Variants in SEM1 observed in about 807,000 individuals in gnomAD.
The protein encoded by SEM1 is SEM1 26S proteasome subunit.
A neutral mutation model predicts 12.7 loss-of-function variants in SEM1; 3 were observed. The ratio of observed to expected loss-of-function variants is 0.24; its 90% CI spans 0.11 to 0.61. The LOEUF is 0.61. Among genes scored for constraint, SEM1 ranks in the 20% least tolerant of loss-of-function variants. The probability of loss-of-function intolerance (pLI) is 0.88; values close to 1 mark genes in which losing one functional copy is unlikely to be tolerated. For missense variants in SEM1, 59 were observed against 81.3 expected (o/e 0.73, Z 1.06); for synonymous variants, 30 against 27.8 (o/e 1.08, Z -0.25).
intron 3 of SEM1, among the ~76,000 whole-genome samples, chr7:96,503,165 G>T (rs188359039): frequency 4.6e-5 from 7 of 152,160 alleles, no homozygotes; most frequent in Admixed American, 2.0e-4. Context: ...TGATCAGCTC[G>T]GTTGTTAAAA....
At chr7:96,590,519 T>C (rs930944760) in intron 2 of SEM1, among the ~76,000 whole-genome samples, 20 of 152,232 alleles carry the variant, frequency 1.3e-4, no homozygotes, top group African/African-American at 4.6e-4. Context: ...GTAATGATTA[T>C]ATATACTGGG....
At chr7:96,524,555 T>C (rs2115664684) in intron 2 of SEM1, among the ~76,000 whole-genome samples, 1 of 152,194 alleles carries the variant, frequency 6.6e-6, no homozygotes, top group Admixed American at 6.5e-5. Context: ...CATATATCAT[T>C]TCAAATTTTC....
intron 2 of SEM1, among the ~76,000 whole-genome samples, chr7:96,612,911 A>T (rs576194515): frequency 2.2e-4 from 34 of 152,370 alleles, no homozygotes; most frequent in Non-Finnish European, 4.1e-4. Context: ...CTGGGATTAC[A>T]GGCGTGAGCC....
chr7:96,694,879 A>G lies in SEM1; in HGVS notation c.89T>C (p.Leu30Ser), dbSNP rs377420507. 3.9e-5 allele frequency: 63 copies of G among 1,607,358 alleles called. No homozygotes were observed. Among genetic ancestry groups the G allele is most frequent in the Admixed American group, 1.8e-4 (11 of 59,874 alleles). The change falls in exon 2 of 3, where the codon TTA becomes TCA. Residue 30 changes from leucine to serine, a missense_variant. Leu to Ser is a moderately radical substitution (Grantham distance 145). Coordinates refer to ENST00000248566, the MANE Select transcript of SEM1 (RefSeq NM_006304.2). ...EEFPAEDWAG[L>S]DEDEDAHVWE... Reference sequence around the variant, plus strand: ...GACATGTGCATCTTCATCTTCATCTAAGCCAGCCCAGTCTAAAAATAGAAA... The same window carrying G: ...GACATGTGCATCTTCATCTTCATCTGAGCCAGCCCAGTCTAAAAATAGAAA...
chr7:96,607,441 G>C lies in SEM1; in HGVS notation c.170+87357C>G, dbSNP rs566743034. On this transcript the variant is annotated intron_variant and NMD_transcript_variant, in intron 2 of 3. Coordinates refer to the SEM1 transcript ENST00000466986. ...ATATTGAATCAGAAAAAAGGAAATA[G>C]ACTGTTCACTCTTTTTGAGGAAGAA... is the stretch of plus-strand genomic sequence containing the variant. Among the ~76,000 whole-genome samples the C allele has an allele frequency of 2.0e-5, 3 of 152,274 alleles. No homozygotes were observed. In the South Asian group the frequency reaches 6.2e-4, roughly 32 times the overall value.
chr7:96,518,134 A>G (rs980162085), intron 2 of SEM1, among the ~76,000 whole-genome samples: 2 of 152,172 alleles, frequency 1.3e-5, no homozygotes, highest in Non-Finnish European at 2.9e-5. Flanking sequence ...CGTAATCTGC[A>G]TAGATCGTAG....
intron 2 of SEM1, among the ~76,000 whole-genome samples, chr7:96,583,446 C>T (rs1315486719): frequency 6.8e-6 from 1 of 146,918 alleles, no homozygotes; most frequent in Non-Finnish European, 1.5e-5. Context: ...AATGTATATT[C>T]TGTTGATTTG....
chr7:96,662,700 TA>T (rs756324400), intron 2 of SEM1, among the ~76,000 whole-genome samples: 41 of 152,286 alleles, frequency 2.7e-4, no homozygotes, highest in Non-Finnish European at 5.1e-4. Flanking sequence ...AATAATTTTT[TA>T]AAAAACTGAC....
chr7:96,704,625 T>G (rs541164566), intron 1 of SEM1, among the ~76,000 whole-genome samples: 3 of 152,338 alleles, frequency 2.0e-5, no homozygotes, highest in African/African-American at 7.2e-5. Flanking sequence ...ACACATTTTT[T>G]CTTAAAAATT....
intron 2 of SEM1, among the ~76,000 whole-genome samples, chr7:96,596,410 T>C (rs1807000535): frequency 6.6e-6 from 1 of 152,134 alleles, no homozygotes; most frequent in African/African-American, 2.4e-5. Flanking sequence ...ACAAGAAGCA[T>C]TTGAATATAC....
At chr7:96,629,604 T>C (rs1380654419) in intron 2 of SEM1, among the ~76,000 whole-genome samples, 1 of 152,162 alleles carries the variant, frequency 6.6e-6, no homozygotes, top group Non-Finnish European at 1.5e-5. Flanking sequence ...GTCTGAAAGG[T>C]CACATATCCG....
downstream of SEM1, among the ~76,000 whole-genome samples, chr7:96,618,844 A>T (rs536815000): frequency 3.2e-4 from 48 of 152,286 alleles, no homozygotes; most frequent in African/African-American, 1.1e-3. Flanking sequence ...CTACCCACCC[A>T]GGAGGCTGAA....
At chr7:96,543,060 G>A (rs1450650823) in intron 2 of SEM1, among the ~76,000 whole-genome samples, 1 of 151,898 alleles carries the variant, frequency 6.6e-6, no homozygotes, top group African/African-American at 2.4e-5. Flanking sequence ...ATGAGGTGGA[G>A]AGGTGGGAGT....
At chr7:96,595,339 C>A (rs1806963622) in intron 2 of SEM1, among the ~76,000 whole-genome samples, 1 of 152,002 alleles carries the variant, frequency 6.6e-6, no homozygotes, top group Non-Finnish European at 1.5e-5. Flanking sequence ...ATGGCAAAAC[C>A]CCATCTCTAC....
At chr7:96,537,054 A>G (rs1804806634) in intron 2 of SEM1, among the ~76,000 whole-genome samples, 1 of 151,740 alleles carries the variant, frequency 6.6e-6, no homozygotes, top group Non-Finnish European at 1.5e-5. Flanking sequence ...TCTGTTTCAA[A>G]TATTATTGTA....
rs562155373 is a variant in SEM1 at position 96,709,837 on chromosome 7, C to T, written c.-74G>A. 2.2e-6 allele frequency: 3 copies of T among 1,391,484 alleles called. No homozygotes were observed. Among genetic ancestry groups the T allele is most frequent in the Non-Finnish European group, 3.1e-6 (3 of 981,476 alleles). 86.2% of individuals were successfully genotyped at this position (1,391,484 alleles called of 1,614,324 possible). ...CCCTCACTCTTCCTCAAGGAAACGC[C>T]ACCGTCACTACCGCCTCCGACGCTG... On this transcript the variant is annotated 5_prime_UTR_variant, in exon 1 of 3. Coordinates refer to ENST00000248566, the MANE Select transcript of SEM1 (RefSeq NM_006304.2).
chr7:96,659,826 T>C (rs1475194696), intron 2 of SEM1, among the ~76,000 whole-genome samples: 2 of 139,000 alleles, frequency 1.4e-5, no homozygotes. Flanking sequence ...ATAAACAAAA[T>C]ATCCCACCAA....
intron 2 of SEM1, among the ~76,000 whole-genome samples, chr7:96,542,180 A>G (rs1804978422): frequency 6.6e-6 from 1 of 151,590 alleles, no homozygotes; most frequent in Non-Finnish European, 1.5e-5. Context: ...GAACCTATGG[A>G]TTGATTTTGG....
chr7:96,617,349 A>C (rs938690532), intron 2 of SEM1, among the ~76,000 whole-genome samples: 5 of 152,004 alleles, frequency 3.3e-5, no homozygotes, highest in African/African-American at 1.2e-4. Flanking sequence ...TCTTAGCTAG[A>C]TCATTGTTGT....
Sources: gnomAD v4.1 joint callset for allele counts (sites outside exome capture counted in the v4.1 genomes callset) on GRCh38, gnomAD v4.1.1 for gene constraint, MANE v1.5 for transcripts, NCBI Gene and HGNC (gene_info 2026-07-23, HGNC 2026-07-21) for gene names.